Variants in XKR9 observed in about 807,000 individuals in gnomAD.
XKR9 encodes the protein XK related 9.
XKR9 carries 32 observed loss-of-function variants against 32.0 expected under a neutral mutation model. The ratio of observed to expected loss-of-function variants is 1.00; its 90% CI spans 0.76 to 1.34. The LOEUF (loss-of-function observed/expected upper bound fraction) is 1.34, where lower values mean the gene tolerates loss of function less well. XKR9 is among the 40% of genes most tolerant of loss of function. The pLI is 0.00. For synonymous variants in XKR9, 168 were observed against 143.4 expected, an observed-to-expected ratio of 1.17 and a Z score of -1.22; for missense variants, 546 against 429.7, an observed-to-expected ratio of 1.27 and a Z score of -2.39.
chr8:70,733,759 C>T, intron 4 of XKR9, 37 bp from the exon 5 acceptor site: 4 of 1,447,780 alleles, frequency 2.8e-6, no homozygotes, highest in Non-Finnish European at 3.6e-6. Context: ...TTCTATTATT[C>T]CTATAACAAT....
the XKR9 span, among the ~76,000 whole-genome samples, chr8:70,897,248 A>G: frequency 1.3e-5 from 2 of 152,256 alleles, no homozygotes; most frequent in African/African-American, 4.8e-5. Context: ...ATACTCCATT[A>G]TGTGTATGTA....
At chr8:70,924,764 G>A in the XKR9 span, among the ~76,000 whole-genome samples, 8 of 152,282 alleles carry the variant, frequency 5.3e-5, no homozygotes, top group African/African-American at 1.9e-4. Flanking sequence ...CAAAAAGAGG[G>A]ACAAAAGAAC....
At chr8:70,827,450 C>G in the XKR9 span, among the ~76,000 whole-genome samples, 3 of 151,980 alleles carry the variant, frequency 2.0e-5, no homozygotes, top group South Asian at 6.2e-4. Context: ...GACTATGAGA[C>G]GGTTGTGTGT....
Position 70,734,183 on chromosome 8 carries a change from G to C in XKR9, c.881G>C (p.Arg294Thr), listed in dbSNP as rs367745110. ...CCAATGTCTTGTTATTATATTGTTA[G>C]GGTACTGGGCACTTTGGGGATATTG... ...KCPMSCYYIV[R>T]VLGTLGILTV... Residue 294 changes from arginine to threonine, a missense_variant, in exon 5 of 5, where the codon AGG becomes ACG. Transcript: ENST00000408926. The C allele has an allele frequency of 2.9e-5, 47 of 1,613,238 alleles. No individual in the cohort carries two copies. The South Asian group carries it at 4.9e-4, about 17-fold the overall frequency.
At chr8:70,713,919 G>T (rs115701940) in intron 4 of XKR9, among the ~76,000 whole-genome samples, 1 of 152,112 alleles carries the variant, frequency 6.6e-6, no homozygotes, top group Non-Finnish European at 1.5e-5. Context: ...TTAAACAGTA[G>T]AACTTTATTT....
the XKR9 span, among the ~76,000 whole-genome samples, chr8:70,952,661 T>C: frequency 6.6e-6 from 1 of 152,166 alleles, no homozygotes; most frequent in Non-Finnish European, 1.5e-5. Context: ...AGGCCTGGGA[T>C]GGAGACAGGG....
chr8:70,817,110 C>T, the XKR9 span, among the ~76,000 whole-genome samples: 2 of 151,902 alleles, frequency 1.3e-5, no homozygotes, highest in East Asian at 1.9e-4. Context: ...TTGATAACAT[C>T]GTACTGGAAG....
the XKR9 span, among the ~76,000 whole-genome samples, chr8:71,047,532 A>C: frequency 3.9e-5 from 6 of 152,242 alleles, no homozygotes; most frequent in Admixed American, 6.5e-5. Context: ...TTATCTTCTC[A>C]TACTGCAAGT....
At chr8:70,854,540 G>T in the XKR9 span, among the ~76,000 whole-genome samples, 1 of 152,114 alleles carries the variant, frequency 6.6e-6, no homozygotes, top group Admixed American at 6.6e-5. Flanking sequence ...GATCCCATTT[G>T]TCAATTTTGT....
At chr8:70,902,886 C>A in the XKR9 span, among the ~76,000 whole-genome samples, 21 of 152,090 alleles carry the variant, frequency 1.4e-4, no homozygotes, top group Non-Finnish European at 2.4e-4. Flanking sequence ...ATTTCTGCAT[C>A]TATTGAGATA....
chr8:70,976,345 A>G, the XKR9 span, among the ~76,000 whole-genome samples: 1 of 152,178 alleles, frequency 6.6e-6, no homozygotes, highest in African/African-American at 2.4e-5. Context: ...CCCATTCAGT[A>G]TGATAGTGGC....
the XKR9 span, among the ~76,000 whole-genome samples, chr8:70,804,231 G>C: frequency 1.3e-5 from 2 of 152,214 alleles, no homozygotes; most frequent in African/African-American, 2.4e-5. Flanking sequence ...GCAAGTGGTG[G>C]GGGTAGGCGG....
the XKR9 span, among the ~76,000 whole-genome samples, chr8:70,855,416 G>A: frequency 4.1e-4 from 63 of 152,204 alleles, 2 homozygotes; most frequent in Middle Eastern, 0.02. Context: ...AGCAAGGAGA[G>A]AAGTTTAGAG....
At chr8:70,799,983 T>C in the XKR9 span, among the ~76,000 whole-genome samples, 36 of 152,322 alleles carry the variant, frequency 2.4e-4, no homozygotes, top group Admixed American at 2.2e-3. Flanking sequence ...TTCAATATGA[T>C]GTTGGCTGTG....
chr8:70,741,761 G>A (rs1271957660), intron 2 of XKR9, among the ~76,000 whole-genome samples: 2 of 152,094 alleles, frequency 1.3e-5, no homozygotes, highest in Non-Finnish European at 2.9e-5. Context: ...AGTTCTTTTG[G>A]ATATGTACTC....
Position 70,707,013 on chromosome 8 carries a change from T to C in XKR9, c.353T>C (p.Ile118Thr), listed in dbSNP as rs772581154. The C allele has an allele frequency of 2.5e-6, 4 of 1,613,372 alleles. No homozygotes were observed. The highest frequency in any genetic ancestry group is 2.5e-6 in the Non-Finnish European group (3 of 1,179,472). Residue 118 changes from isoleucine (I) to threonine (T), a missense_variant, in exon 4 of 5, where the codon ATT (isoleucine) becomes ACT (threonine). Physicochemically the swap from Ile to Thr is moderately conservative, Grantham distance 89. Transcript: ENST00000408926. ...ACTAGTAACTTCGTGGAAGAACAAA[T>C]TGATCTACATAAAGAAGTTATAGAT... ...SNTSNFVEEQ[I>T]DLHKEVIDRV...
the XKR9 span, among the ~76,000 whole-genome samples, chr8:70,829,478 T>C: frequency 6.6e-6 from 1 of 152,230 alleles, no homozygotes; most frequent in East Asian, 1.9e-4. Context: ...AGACGGAGTC[T>C]CGCCCTGTCT....
At chr8:70,968,867 C>T in the XKR9 span, among the ~76,000 whole-genome samples, 2 of 152,282 alleles carry the variant, frequency 1.3e-5, no homozygotes, top group South Asian at 2.1e-4. Flanking sequence ...CCCGCATGCT[C>T]ATGTAGGAGG....
At chr8:70,686,419 A>G (rs904716555) in intron 3 of XKR9, among the ~76,000 whole-genome samples, 3 of 150,016 alleles carry the variant, frequency 2.0e-5, no homozygotes, top group Admixed American at 6.6e-5. Context: ...GCTAATATAT[A>G]TATATATATA....
Sources: gnomAD v4.1 joint callset for allele counts (sites outside exome capture counted in the v4.1 genomes callset) on GRCh38, gnomAD v4.1.1 for gene constraint, MANE v1.5 for transcripts, NCBI Gene and HGNC (gene_info 2026-07-23, HGNC 2026-07-21) for gene names.